Variants in IL1RAP observed in about 807,000 individuals in gnomAD.
IL1RAP encodes interleukin 1 receptor accessory protein.
A neutral mutation model predicts 60.7 loss-of-function variants in IL1RAP; 35 were observed. The ratio of observed to expected loss-of-function variants is 0.58; its 90% CI spans 0.44 to 0.76. The LOEUF is 0.76. IL1RAP is among the 30% of genes least tolerant of loss of function. IL1RAP has a pLI of 0.00. For synonymous variants in IL1RAP, 268 were observed against 250.9 expected (o/e 1.07, Z -0.64); for missense variants, 572 against 693.9 (o/e 0.82, Z 1.97).
In IL1RAP at chr3:190,650,191, G is replaced by A; in HGVS notation, c.*1486G>A. The A allele has an allele frequency of 1.0e-6, 1 of 984,294 alleles. No homozygotes were observed. Among genetic ancestry groups the A allele is most frequent in the South Asian group, 4.7e-5 (1 of 21,250 alleles). 61.0% of individuals were successfully genotyped at this position (984,294 alleles called of 1,614,324 possible). ...ATTATGTTTTTACTGGAATGTTTTT[G>A]TGTCAGTGTTTTCTGTACATATTAT... On this transcript the variant is annotated 3_prime_UTR_variant, in exon 12 of 12. Transcript: ENST00000447382.
Position 190,649,411 on chromosome 3 carries a change from A to T in IL1RAP, c.*706A>T. The T allele has an allele frequency of 1.0e-6, 1 of 985,788 alleles. No individual in the cohort carries two copies. Among genetic ancestry groups the T allele is most frequent in the Non-Finnish European group, 1.2e-6 (1 of 829,886 alleles). The allele number at this position is 985,788 out of a possible 1,614,324, so 61.1% of individuals were successfully genotyped here. A position where few individuals can be genotyped will look rare whatever the true frequency, so the allele number is the denominator to read the frequency against. On this transcript the variant is annotated 3_prime_UTR_variant, in exon 12 of 12. Transcript: ENST00000447382. ...GTCAATTCCTGATTATCCACAGGTCAACCCACATTTTTTCATTCCTTCTCC... is the reference window on the plus strand; with the variant it reads ...GTCAATTCCTGATTATCCACAGGTCTACCCACATTTTTTCATTCCTTCTCC...
intron 3 of IL1RAP, among the ~76,000 whole-genome samples, chr3:190,566,692 G>A (rs1021033019): frequency 2.6e-5 from 4 of 152,154 alleles, no homozygotes; most frequent in Non-Finnish European, 5.9e-5. Flanking sequence ...ATGAAGAGGT[G>A]TATTGTGTCT....
intron 3 of IL1RAP, among the ~76,000 whole-genome samples, chr3:190,594,626 G>T (rs1729225565): frequency 1.3e-5 from 2 of 152,138 alleles, no homozygotes; most frequent in Admixed American, 1.3e-4. Context: ...GGCAAGCTGG[G>T]AAATGTTACT....
chr3:190,576,419 G>T (rs10937442), intron 3 of IL1RAP, among the ~76,000 whole-genome samples: 3 of 151,804 alleles, frequency 2.0e-5, no homozygotes, highest in African/African-American at 4.8e-5. Context: ...TGGAAAAATT[G>T]GCAAAGATTT....
chr3:190,638,876 A>G (rs66459666), intron 9 of IL1RAP, among the ~76,000 whole-genome samples: 23,085 of 151,992 alleles, frequency 0.15, 2,028 homozygotes, highest in African/African-American at 0.24. Flanking sequence ...TTTTCACAGG[A>G]TATGTTGAAA....
At chr3:190,617,811 A>G (rs962443567) in intron 5 of IL1RAP, among the ~76,000 whole-genome samples, 2 of 152,230 alleles carry the variant, frequency 1.3e-5, no homozygotes, top group Non-Finnish European at 2.9e-5. Flanking sequence ...AGCTAACCAG[A>G]CACACAGCAG....
At chr3:190,534,931 A>G (rs10937438) in intron 1 of IL1RAP, among the ~76,000 whole-genome samples, 69,833 of 141,512 alleles carry the variant, frequency 0.49, 18,342 homozygotes, top group South Asian at 0.67. Context: ...AAAAAAAAAA[A>G]AAAGAAAACC....
intron 3 of IL1RAP, among the ~76,000 whole-genome samples, chr3:190,601,329 C>A (rs1435052846): frequency 6.6e-6 from 1 of 152,216 alleles, no homozygotes; most frequent in East Asian, 1.9e-4. Context: ...GCGAACTCTG[C>A]AACTTTGCAA....
intron 6 of IL1RAP, 66 bp from the exon 7 acceptor site, chr3:190,623,278 G>A (rs1315258779): frequency 3.3e-6 from 4 of 1,213,994 alleles, no homozygotes; most frequent in Admixed American, 1.7e-5. Flanking sequence ...ATTCAGAGAA[G>A]AGCAGAATTT....
chr3:190,648,652 C>A lies in IL1RAP; in HGVS notation c.1660C>A (p.Arg554=), dbSNP rs548470995. ...CATGCCAGTGAAGAAAAGTCCCAGG[C>A]GGTCTAGCAGTGATGAGCAGGGCCT... ...VAMPVKKSPR[R]SSSDEQGLSY... is the part of the protein sequence containing the mutation. The change falls in exon 12 of 12, where the codon CGG becomes AGG. Residue 554 remains arginine (R), a synonymous_variant. Transcript: ENST00000447382. 5 of 1,613,888 alleles carry A rather than the reference C, an allele frequency of 3.1e-6. No individual in the cohort carries two copies. Among genetic ancestry groups the A allele is most frequent in the Admixed American group, 3.3e-5 (2 of 59,978 alleles).
At chr3:190,590,193 G>A (rs1728821168) in intron 3 of IL1RAP, among the ~76,000 whole-genome samples, 1 of 151,734 alleles carries the variant, frequency 6.6e-6, no homozygotes, top group Non-Finnish European at 1.5e-5. Flanking sequence ...TTCATATTTT[G>A]TGACATATAT....
rs775569835 is a variant in IL1RAP at position 190,537,957 on chromosome 3, TTACTC to T, written c.-88-18172_-88-18168del. On this transcript the variant is annotated intron_variant, in intron 1 of 11. Transcript: ENST00000447382. ...CATGTACTTTTCTGTTTTGAGAACT[TTACTC>T]AGATTATTTTTGCTTTTTGGAATAC... is the stretch of plus-strand genomic sequence containing the variant. Among the ~76,000 whole-genome samples the T allele has an allele frequency of 5.3e-5, 8 of 152,278 alleles. No homozygotes were observed. In the East Asian group the frequency reaches 1.3e-3, roughly 26 times the overall value.
intron 3 of IL1RAP, among the ~76,000 whole-genome samples, chr3:190,590,080 C>T (rs1057457426): frequency 1.3e-5 from 2 of 152,190 alleles, no homozygotes; most frequent in Non-Finnish European, 2.9e-5. Context: ...ATAGCTAAAA[C>T]ATATTCATAT....
intron 10 of IL1RAP, 126 bp downstream of exon 10, chr3:190,644,523 T>G: frequency 1.4e-6 from 1 of 718,264 alleles, no homozygotes; most frequent in Non-Finnish European, 2.3e-6. Context: ...TTAAGCAGAT[T>G]AACTTTAATT....
chr3:190,641,234 G>A, intron 9 of IL1RAP, among the ~76,000 whole-genome samples: 1 of 152,188 alleles, frequency 6.6e-6, no homozygotes, highest in East Asian at 1.9e-4. Flanking sequence ...CAAAGTGTTG[G>A]GGTTACAGGC....
At position 190,594,445 on chromosome 3, in the gene IL1RAP, C is replaced by T. The variant is rs527527973; in HGVS notation, c.65-9683C>T. Among the ~76,000 whole-genome samples, 8 of 152,300 alleles carry T rather than the reference C, an allele frequency of 5.3e-5. No individual in the cohort carries two copies. The East Asian group carries it at 1.5e-3, about 29-fold the overall frequency. On this transcript the variant is annotated intron_variant, in intron 3 of 11. Transcript: ENST00000447382. ...CATTATGTAGCGCCAGCTATCATAT[C>T]TATCTATGTCCCACGCAGCAGGACA...
At position 190,610,284 on chromosome 3, in the gene IL1RAP, C is replaced by A. The variant is rs142012468; in HGVS notation, c.537+1103C>A. Among the ~76,000 whole-genome samples, 146 of 152,098 alleles carry A rather than the reference C, an allele frequency of 9.6e-4. 1 individual carries two copies. Among genetic ancestry groups the A allele is most frequent in the African/African-American group, 3.3e-3 (135 of 41,518 alleles). ...TTTCTATTTTAAAATTCAGAAAAAA[C>A]TACTATTTCCTAAGTGAGCTAAATG... On this transcript the variant is annotated intron_variant, in intron 5 of 11. Coordinates refer to ENST00000447382, the MANE Select transcript of IL1RAP (RefSeq NM_002182.4).
At chr3:190,623,919 G>T (rs536060576) in intron 7 of IL1RAP, among the ~76,000 whole-genome samples, 2 of 152,094 alleles carry the variant, frequency 1.3e-5, no homozygotes, top group Non-Finnish European at 2.9e-5. Context: ...TTTCATTATA[G>T]CCAAAAATCA....
chr3:190,635,004 C>T (rs1395758419), intron 9 of IL1RAP, among the ~76,000 whole-genome samples: 2 of 152,092 alleles, frequency 1.3e-5, no homozygotes, highest in Admixed American at 6.5e-5. Flanking sequence ...CGTGAGCCAC[C>T]GTGCCCGGCC....
Sources: gnomAD v4.1 joint callset for allele counts (sites outside exome capture counted in the v4.1 genomes callset) on GRCh38, gnomAD v4.1.1 for gene constraint, MANE v1.5 for transcripts, NCBI Gene and HGNC (gene_info 2026-07-23, HGNC 2026-07-21) for gene names.